Variants in NXNL2 observed in about 807,000 individuals in gnomAD.
NXNL2 encodes the protein nucleoredoxin-like protein 2.
In NXNL2, 7 loss-of-function variants were observed where a neutral mutation model predicts 11.1. That is an observed-to-expected ratio of 0.63 (90% CI 0.36 to 1.18). NXNL2 has a LOEUF of 1.18. NXNL2 is among the 50% of genes most tolerant of loss of function. NXNL2 has a pLI of 0.02. For missense variants in NXNL2, 233 were observed against 217.7 expected (o/e 1.07, Z -0.44); for synonymous variants, 109 against 101.8 (o/e 1.07, Z -0.42).
At chr9:88,564,287 A>G (rs775793444) in intron 1 of NXNL2, among the ~76,000 whole-genome samples, 1 of 97,718 alleles carries the variant, frequency 1.0e-5, no homozygotes, top group African/African-American at 5.0e-5. Context: ...TCTATCTATT[A>G]TCTATCTATC....
At chr9:88,568,060 G>A (rs562751425) in intron 1 of NXNL2, among the ~76,000 whole-genome samples, 11 of 152,264 alleles carry the variant, frequency 7.2e-5, no homozygotes, top group African/African-American at 2.2e-4. Context: ...GGTTACTACC[G>A]TGGGTGGAGC....
intron 1 of NXNL2, 107 bp from the exon 2 acceptor site, chr9:88,544,271 TG>T: frequency 2.2e-6 from 2 of 920,118 alleles, no homozygotes; most frequent in Non-Finnish European, 3.3e-6. Context: ...GTGGGGCACC[TG>T]GTGGCTTCCT....
chr9:88,544,363 C>T lies in NXNL2; in HGVS notation c.303-16C>T. 1.9e-6 allele frequency: 3 copies of T among 1,550,152 alleles called. No homozygotes were observed. The highest frequency in any genetic ancestry group is 1.2e-5 in the South Asian group (1 of 84,028). On this transcript the variant is annotated splice_polypyrimidine_tract_variant and intron_variant, in intron 1 of 1. Coordinates refer to ENST00000375854, the MANE Select transcript of NXNL2 (RefSeq NM_001161625.2). ...TGTGGGAGTGCTAACTTCGGTACCACTCTTCTGTCCTGCAGTGAGCTGAGG... is the reference window on the plus strand; with the variant it reads ...TGTGGGAGTGCTAACTTCGGTACCATTCTTCTGTCCTGCAGTGAGCTGAGG...
At position 88,535,639 on chromosome 9, in the gene NXNL2, T is replaced by C; in HGVS notation, c.205T>C (p.Phe69Leu). ...ARRPAPFEVV[F>L]VSADGSSQEM... ...GCGGCCCGCGCCCTTCGAAGTGGTC[T>C]TCGTGTCAGCCGACGGCAGCTCCCA... The change falls in exon 1 of 2, where the codon TTC (phenylalanine) becomes CTC (leucine). Residue 69 changes from phenylalanine to leucine, a missense_variant. Coordinates refer to ENST00000375854, the MANE Select transcript of NXNL2 (RefSeq NM_001161625.2). The C allele has an allele frequency of 6.2e-7, 1 of 1,609,082 alleles. No individual in the cohort carries two copies. Among genetic ancestry groups the C allele is most frequent in the Non-Finnish European group, 8.5e-7 (1 of 1,179,436 alleles).
At position 88,574,470 on chromosome 9, in the gene NXNL2, G is replaced by A. The variant is rs148115553; in HGVS notation, c.*17-617G>A. 1.2e-4 allele frequency among the ~76,000 whole-genome samples: 19 copies of A among 152,316 alleles called. No homozygotes were observed. In the East Asian group the frequency reaches 3.5e-3, roughly 28 times the overall value. The stretch of plus-strand genomic sequence containing the variant: ...GATGTACATTGGTTTGGTCCAGAAA[G>A]GAGGGACAACTCGAAGCAAGGAGGG... On this transcript the variant is annotated intron_variant, in intron 2 of 2. Transcript: ENST00000375855.
intron 1 of NXNL2, among the ~76,000 whole-genome samples, chr9:88,551,032 G>A (rs1305873645): frequency 6.6e-6 from 1 of 152,094 alleles, no homozygotes. Flanking sequence ...TGCTTGTCGG[G>A]GGTGGCAGGC....
intron 1 of NXNL2, among the ~76,000 whole-genome samples, chr9:88,542,946 G>A (rs762050542): frequency 3.3e-5 from 5 of 152,224 alleles, no homozygotes; most frequent in Admixed American, 6.5e-5. Context: ...AAGGAAATCC[G>A]ATTACTGTCA....
intron 1 of NXNL2, among the ~76,000 whole-genome samples, chr9:88,539,468 A>C (rs1486870538): frequency 1.3e-5 from 2 of 152,206 alleles, no homozygotes; most frequent in Non-Finnish European, 2.9e-5. Context: ...GAGATAACAG[A>C]GTCCCACCTG....
At chr9:88,571,980 A>C (rs867187921) in intron 2 of NXNL2, among the ~76,000 whole-genome samples, 1 of 152,118 alleles carries the variant, frequency 6.6e-6, no homozygotes, top group Non-Finnish European at 1.5e-5. Context: ...TGAAGACTTG[A>C]GTGGCTTCTG....
chr9:88,549,204 C>T (rs762548812), downstream of NXNL2, among the ~76,000 whole-genome samples: 1 of 152,186 alleles, frequency 6.6e-6, no homozygotes, highest in Non-Finnish European at 1.5e-5. Context: ...TCCCTTCTAT[C>T]GTCTTGAAGA....
intron 1 of NXNL2, among the ~76,000 whole-genome samples, chr9:88,566,991 T>TCTATCTATCTATCTATCTATCTATCTAC (rs1554706800): frequency 7.2e-4 from 109 of 150,564 alleles, no homozygotes; most frequent in African/African-American, 2.3e-3. Context: ...TATCTATCTA[T>TCTATCTATCTATCTATCTATCTATCTAC]CTATCTATCT....
downstream of NXNL2, among the ~76,000 whole-genome samples, chr9:88,549,842 G>GT (rs768365222): frequency 6.6e-6 from 1 of 151,878 alleles, no homozygotes; most frequent in Non-Finnish European, 1.5e-5. Context: ...CACTTTTTTT[G>GT]TTTTTTTAGA....
At chr9:88,573,726 G>A (rs1265287567) in intron 2 of NXNL2, among the ~76,000 whole-genome samples, 4 of 152,180 alleles carry the variant, frequency 2.6e-5, no homozygotes, top group African/African-American at 9.7e-5. Context: ...GCCCAACAGT[G>A]CAGATATACT....
intron 1 of NXNL2, among the ~76,000 whole-genome samples, chr9:88,561,670 T>C (rs939192971): frequency 6.6e-6 from 1 of 151,878 alleles, no homozygotes; most frequent in Non-Finnish European, 1.5e-5. Flanking sequence ...CAAGCACCAA[T>C]AACAAGAGGG....
intron 1 of NXNL2, among the ~76,000 whole-genome samples, chr9:88,543,270 CTT>C (rs370174841): frequency 0.036 from 5,219 of 143,264 alleles, 272 homozygotes; most frequent in African/African-American, 0.12. Context: ...GGAATTTTAA[CTT>C]TTTTTTTTTT....
chr9:88,560,908 G>A lies in NXNL2; in HGVS notation c.303-10179G>A, dbSNP rs145344325. On this transcript the variant is annotated intron_variant, in intron 1 of 2. Coordinates refer to the NXNL2 transcript ENST00000375855. ...CAGAGATGGATATTGAGAGCACTGC[G>A]CTGGGGGAGGAAAGAAAAACACAAG... Among the ~76,000 whole-genome samples, 28 of 152,266 alleles carry A rather than the reference G, an allele frequency of 1.8e-4. 1 individual carries two copies. The highest frequency in any genetic ancestry group is 6.3e-4 in the African/African-American group (26 of 41,560).
downstream of NXNL2, among the ~76,000 whole-genome samples, chr9:88,545,234 G>T (rs976417434): frequency 1.3e-5 from 2 of 152,212 alleles, no homozygotes; most frequent in Non-Finnish European, 2.9e-5. Flanking sequence ...TTACCTAAAA[G>T]TTAATAATCC....
chr9:88,561,167 A>G (rs1366044223), intron 1 of NXNL2, among the ~76,000 whole-genome samples: 4 of 152,130 alleles, frequency 2.6e-5, no homozygotes, highest in African/African-American at 9.7e-5. Flanking sequence ...ACACCATCTA[A>G]TCAGCTGCCA....
At chr9:88,577,416 G>A (rs1422848664), downstream of NXNL2, among the ~76,000 whole-genome samples, 2 of 152,092 alleles carry the variant, frequency 1.3e-5, no homozygotes, top group African/African-American at 4.8e-5. Flanking sequence ...CATGTCTACG[G>A]TCCTAAGAGA....
Sources: gnomAD v4.1 joint callset for allele counts (sites outside exome capture counted in the v4.1 genomes callset) on GRCh38, gnomAD v4.1.1 for gene constraint, MANE v1.5 for transcripts, NCBI Gene and HGNC (gene_info 2026-07-23, HGNC 2026-07-21) for gene names.